Variants in PRKG1 observed in about 807,000 individuals in gnomAD.
PRKG1 encodes the protein cGMP-dependent protein kinase 1.
Under a neutral mutation model 88.1 loss-of-function variants are expected in PRKG1, and 35 were observed. The ratio of observed to expected loss-of-function variants is 0.40; its 90% CI spans 0.30 to 0.53. The LOEUF (loss-of-function observed/expected upper bound fraction) is 0.53. Ranked by LOEUF, PRKG1 falls within the 20% of genes least tolerant of loss-of-function variation. PRKG1 has a pLI of 0.59. For synonymous variants in PRKG1, 303 were observed against 292.5 expected (o/e 1.04, Z -0.37); for missense variants, 540 against 839.8 (o/e 0.64, Z 4.41).
rs1248210107 is a variant in PRKG1, at chr10:51,329,146, A to G, written c.479-138577A>G. The stretch of plus-strand genomic sequence containing the variant: ...ATCCAAAAATTCATTGCCCAGGCCA[A>G]TGTCATGGAACCTTTTCCCTAGGTT... On this transcript the variant is annotated intron_variant, in intron 2 of 17. Transcript: ENST00000373980. 9.9e-5 allele frequency among the ~76,000 whole-genome samples: 15 copies of G among 152,184 alleles called. 1 individual carries two copies. The highest frequency in any genetic ancestry group is 9.8e-4 in the Admixed American group (15 of 15,270).
At chr10:51,302,300 A>G (rs1840910683) in intron 2 of PRKG1, among the ~76,000 whole-genome samples, 1 of 152,222 alleles carries the variant, frequency 6.6e-6, no homozygotes, top group South Asian at 2.1e-4. Context: ...CATTTTTAGT[A>G]AACGTGATAA....
At position 51,338,548 on chromosome 10, in the gene PRKG1, A is replaced by T. The variant is rs560325920; in HGVS notation, c.479-129175A>T. Among the ~76,000 whole-genome samples, 3 of 152,302 alleles carry T rather than the reference A, an allele frequency of 2.0e-5. No homozygotes were observed. In the South Asian group the frequency reaches 6.2e-4, roughly 32 times the overall value. On this transcript the variant is annotated intron_variant, in intron 2 of 17. Transcript: ENST00000373980. Reference sequence around the variant, plus strand: ...AGATAGATGCCCTATAAATACATGGACCAGGGGCCATGGAACTTGTGTCAG... The same window carrying T: ...AGATAGATGCCCTATAAATACATGGTCCAGGGGCCATGGAACTTGTGTCAG...
chr10:51,882,280 G>A (rs574069845), intron 4 of PRKG1, among the ~76,000 whole-genome samples: 2 of 152,236 alleles, frequency 1.3e-5, no homozygotes, highest in South Asian at 2.1e-4. Context: ...GACATTAGGG[G>A]CTCTTTCTCC....
chr10:51,153,913 A>G (rs968382148), intron 2 of PRKG1, among the ~76,000 whole-genome samples: 6 of 152,022 alleles, frequency 3.9e-5, no homozygotes, highest in African/African-American at 1.4e-4. Context: ...GCACTGTGTA[A>G]TATGTTTTAT....
intron 1 of PRKG1, among the ~76,000 whole-genome samples, chr10:51,066,004 A>T (rs920122625): frequency 6.6e-6 from 1 of 152,116 alleles, no homozygotes; most frequent in Non-Finnish European, 1.5e-5. Context: ...TAAATGACTC[A>T]AGAGATGAGA....
chr10:51,720,577 A>T (rs911635384), intron 3 of PRKG1, among the ~76,000 whole-genome samples: 1 of 152,022 alleles, frequency 6.6e-6, no homozygotes, highest in East Asian at 1.9e-4. Context: ...TATGGGTGGG[A>T]TGGCTTTATA....
chr10:51,708,241 A>T (rs1364140341), intron 3 of PRKG1, among the ~76,000 whole-genome samples: 1 of 151,978 alleles, frequency 6.6e-6, no homozygotes, highest in Admixed American at 6.6e-5. Context: ...GTGTGCATGC[A>T]CTCTGGTGTC....
chr10:51,768,869 TAA>T (rs892634343), intron 3 of PRKG1, among the ~76,000 whole-genome samples: 3 of 152,122 alleles, frequency 2.0e-5, no homozygotes, highest in Admixed American at 6.6e-5. Flanking sequence ...GAAAAATTAT[TAA>T]GTCTCATAAA....
chr10:51,129,227 G>A (rs1845505012), intron 1 of PRKG1, among the ~76,000 whole-genome samples: 1 of 152,146 alleles, frequency 6.6e-6, no homozygotes, highest in South Asian at 2.1e-4. Flanking sequence ...TATAAGCTTA[G>A]CACTTTGGGA....
In PRKG1 at chr10:52,296,260, A is replaced by G. The variant is rs1175529247; in HGVS notation, c.*2360A>G. On this transcript the variant is annotated 3_prime_UTR_variant, in exon 18 of 18. Coordinates refer to ENST00000373980, the MANE Select transcript of PRKG1 (RefSeq NM_006258.4). Reference sequence around the variant, plus strand: ...TTTGGAACTATGGTTCAAGTCTAAGACAACCAATATGAATAAGTTCAATGG... The same window carrying G: ...TTTGGAACTATGGTTCAAGTCTAAGGCAACCAATATGAATAAGTTCAATGG... 6.6e-6 allele frequency: 1 copy of G among 152,062 alleles called. No homozygotes were observed. The highest frequency in any genetic ancestry group is 2.4e-5 in the African/African-American group (1 of 41,456). 9.4% of individuals were successfully genotyped at this position (152,062 alleles called of 1,614,324 possible).
intron 4 of PRKG1, among the ~76,000 whole-genome samples, chr10:51,817,140 A>G (rs1003137894): frequency 2.0e-5 from 3 of 152,074 alleles, no homozygotes; most frequent in African/African-American, 4.8e-5. Context: ...TCTTGAAATT[A>G]GGTCTTGGTG....
At chr10:51,557,307 T>A (rs1837337674) in intron 3 of PRKG1, among the ~76,000 whole-genome samples, 2 of 151,626 alleles carry the variant, frequency 1.3e-5, no homozygotes, top group Non-Finnish European at 2.9e-5. Context: ...ATATGGACAC[T>A]GACCTTGTTA....
intron 7 of PRKG1, among the ~76,000 whole-genome samples, chr10:52,074,120 A>G (rs1372290133): frequency 6.6e-6 from 1 of 152,194 alleles, no homozygotes; most frequent in Non-Finnish European, 1.5e-5. Context: ...TTCTTGATTT[A>G]GCTCATTATA....
At chr10:51,022,489 C>T (rs1843152015) in intron 1 of PRKG1, among the ~76,000 whole-genome samples, 1 of 152,244 alleles carries the variant, frequency 6.6e-6, no homozygotes, top group South Asian at 2.1e-4. Context: ...CTCTCCAAGT[C>T]CTCCCCTCTC....
At chr10:51,301,541 T>C (rs1161456266) in intron 2 of PRKG1, among the ~76,000 whole-genome samples, 2 of 152,330 alleles carry the variant, frequency 1.3e-5, no homozygotes, top group East Asian at 3.9e-4. Flanking sequence ...TTATATTTTA[T>C]TTGGAAACTA....
In PRKG1 at chr10:51,101,222, T is replaced by C. The variant is rs1258662924; in HGVS notation, c.311+26321T>C. On this transcript the variant is annotated intron_variant, in intron 1 of 17. Transcript: ENST00000373980. ...TCATAAAGGTGAGGCCCTGATATGA[T>C]AGAATTAGTGTCCTTATCATAGAAA... 3.3e-5 allele frequency among the ~76,000 whole-genome samples: 5 copies of C among 152,276 alleles called. No individual in the cohort carries two copies. The East Asian group carries it at 9.7e-4, about 29-fold the overall frequency.
intron 4 of PRKG1, among the ~76,000 whole-genome samples, chr10:51,859,489 C>G (rs1402367766): frequency 6.6e-6 from 1 of 150,948 alleles, no homozygotes; most frequent in Admixed American, 6.6e-5. Context: ...AGATGCAGCC[C>G]TTGATCTGAT....
intron 3 of PRKG1, among the ~76,000 whole-genome samples, chr10:51,691,390 C>G: frequency 6.6e-6 from 1 of 151,546 alleles, no homozygotes; most frequent in South Asian, 2.1e-4. Context: ...TCACTGCAGC[C>G]TCCACCTCCT....
intron 2 of PRKG1, among the ~76,000 whole-genome samples, chr10:51,387,155 T>G (rs1483637925): frequency 1.3e-5 from 2 of 151,918 alleles, no homozygotes; most frequent in Non-Finnish European, 2.9e-5. Context: ...CATACAGAAC[T>G]AATAAGTGGC....
Sources: allele counts gnomAD v4.1 joint callset (sites outside exome capture counted in the v4.1 genomes callset), GRCh38; gene constraint gnomAD v4.1.1; transcripts MANE v1.5; gene names NCBI Gene and HGNC (gene_info 2026-07-23, HGNC 2026-07-21).